Variants in OTUB2 observed in about 807,000 individuals in gnomAD.
The protein encoded by OTUB2 is OTU deubiquitinase, ubiquitin aldehyde binding 2.
A neutral mutation model predicts 25.1 loss-of-function variants in OTUB2; 21 were observed. The observed-to-expected ratio is 0.84, with a 90% CI of 0.59 to 1.21. The LOEUF (loss-of-function observed/expected upper bound fraction) is 1.21, where lower values mean the gene tolerates loss of function less well. OTUB2 is among the 50% of genes most tolerant of loss of function. The probability of loss-of-function intolerance (pLI) is 0.00; values close to 1 mark genes in which losing one functional copy is unlikely to be tolerated. For missense variants in OTUB2, 283 were observed against 298.0 expected (o/e 0.95, Z 0.37); for synonymous variants, 122 against 122.8 (o/e 0.99, Z 0.04).
In OTUB2 at chr14:94,044,050, A is replaced by C; in HGVS notation, c.298A>C (p.Asn100His). Residue 100 changes from asparagine to histidine, a missense_variant, in exon 4 of 6, where the codon AAT becomes CAT. Physicochemically the swap from Asn to His is moderately conservative, Grantham distance 68. Coordinates refer to ENST00000203664, the MANE Select transcript of OTUB2 (RefSeq NM_023112.4). ...GGAGCACAAGTTCAGAAACTTCTTCAATGCTGTGAGTTCACCTGGTCCCTC... is the reference window on the plus strand; with the variant it reads ...GGAGCACAAGTTCAGAAACTTCTTCCATGCTGTGAGTTCACCTGGTCCCTC... ...FEEHKFRNFF[N>H]AFYSVVELVE... The C allele has an allele frequency of 6.2e-7, 1 of 1,614,004 alleles. No homozygotes were observed. Among genetic ancestry groups the C allele is most frequent in the South Asian group, 1.1e-5 (1 of 91,082 alleles).
chr14:94,046,108 T>TTC lies in OTUB2; in HGVS notation c.*187_*188insCT. 1 of 669,146 alleles carries TTC rather than the reference T, an allele frequency of 1.5e-6. No homozygotes were observed. The highest frequency in any genetic ancestry group is 2.5e-6 in the Non-Finnish European group (1 of 398,310). The allele number at this position is 669,146 out of a possible 1,614,324, so 41.5% of individuals were successfully genotyped here. A position where few individuals can be genotyped will look rare whatever the true frequency, so the allele number is the denominator to read the frequency against. ...TGGTAACTTGGTAGGATTTTTAGTA[T>TTC]TTATTTTAATGGAGGGACAAATGCT... On this transcript the variant is annotated 3_prime_UTR_variant, in exon 6 of 6. Transcript: ENST00000203664.
chr14:94,039,741 C>T (rs1885123977), intron 3 of OTUB2, among the ~76,000 whole-genome samples: 1 of 152,192 alleles, frequency 6.6e-6, no homozygotes, highest in African/African-American at 2.4e-5. Context: ...TGCTGCTGGG[C>T]CTCAAACCAC....
Position 94,032,861 on chromosome 14 carries a change from C to CGG in OTUB2, c.4-4519_4-4518insGG, listed in dbSNP as rs542798938. Among the ~76,000 whole-genome samples the CGG allele has an allele frequency of 4.7e-3, 713 of 152,250 alleles. 3 individuals are homozygous for CGG. The highest frequency in any genetic ancestry group is 0.01 in the Middle Eastern group (3 of 294). On this transcript the variant is annotated intron_variant, in intron 1 of 5. Coordinates refer to ENST00000203664, the MANE Select transcript of OTUB2 (RefSeq NM_023112.4). ...CCTGAGGCTGATGCCCACAGTGTGT[C>CGG]CTGAAGGTGTGGTGAGCTCAGCTCT... is the stretch of plus-strand genomic sequence containing the variant.
At chr14:94,035,569 A>C (rs1039086218) in intron 1 of OTUB2, among the ~76,000 whole-genome samples, 1 of 152,142 alleles carries the variant, frequency 6.6e-6, no homozygotes, top group African/African-American at 2.4e-5. Context: ...TATTACAAGC[A>C]TGAGCCACCG....
intron 1 of OTUB2, among the ~76,000 whole-genome samples, chr14:94,032,046 G>C (rs542138085): frequency 6.6e-6 from 1 of 152,338 alleles, no homozygotes; most frequent in Middle Eastern, 3.4e-3. Context: ...CCGGGAGCTT[G>C]AGTCTCTGGT....
rs574356659 is a variant in OTUB2, at chr14:94,041,636, C to T, written c.219-2335C>T. Among the ~76,000 whole-genome samples, 18 of 152,278 alleles carry T rather than the reference C, an allele frequency of 1.2e-4. No homozygotes were observed. The South Asian group carries it at 3.7e-3, about 32-fold the overall frequency. Reference sequence around the variant, plus strand: ...CTGACCTCTAGGAGCAGTGGAAACCCCTGACACCAACGCCCTCCACACCAG... The same window carrying T: ...CTGACCTCTAGGAGCAGTGGAAACCTCTGACACCAACGCCCTCCACACCAG... On this transcript the variant is annotated intron_variant, in intron 3 of 5. Coordinates refer to ENST00000203664, the MANE Select transcript of OTUB2 (RefSeq NM_023112.4).
At chr14:94,030,683 C>A (rs1230218014) in intron 1 of OTUB2, among the ~76,000 whole-genome samples, 1 of 152,092 alleles carries the variant, frequency 6.6e-6, no homozygotes, top group Non-Finnish European at 1.5e-5. Context: ...ACGTCCTAAT[C>A]CCCACAACCT....
chr14:94,034,388 G>A (rs577668038), intron 1 of OTUB2, among the ~76,000 whole-genome samples: 1 of 152,320 alleles, frequency 6.6e-6, no homozygotes, highest in African/African-American at 2.4e-5. Context: ...GCTGCCCTGT[G>A]TGGAATGTTC....
intron 3 of OTUB2, 56 bp downstream of exon 3, chr14:94,039,137 CT>C: frequency 1.5e-6 from 2 of 1,368,982 alleles, no homozygotes; most frequent in Admixed American, 1.9e-5. Flanking sequence ...CTAGGTCAGC[CT>C]CAAGTCTCTC....
At chr14:94,028,728 C>G (rs1309313172) in intron 1 of OTUB2, among the ~76,000 whole-genome samples, 1 of 152,226 alleles carries the variant, frequency 6.6e-6, no homozygotes, top group African/African-American at 2.4e-5. Context: ...TGCCTGCTGG[C>G]CAAGACAGCT....
chr14:94,044,745 G>A lies in OTUB2; in HGVS notation c.463G>A (p.Asp155Asn). The A allele has an allele frequency of 6.2e-7, 1 of 1,613,678 alleles. No individual in the cohort carries two copies. Among genetic ancestry groups the A allele is most frequent in the Non-Finnish European group, 8.5e-7 (1 of 1,180,022 alleles). Residue 155 changes from aspartate to asparagine, a missense_variant, in exon 5 of 6, where the codon GAT (aspartate) becomes AAT (asparagine). Physicochemically the swap from Asp to Asn is conservative, Grantham distance 23. Transcript: ENST00000203664. ...NRADFFRHFI[D>N]EEMDIKDFCT... ...AGCAGACTTCTTCCGGCACTTCATT[G>A]ATGAGGAGATGGACATCAAAGACTT...
intron 2 of OTUB2, among the ~76,000 whole-genome samples, chr14:94,037,811 A>G (rs956472489): frequency 1.3e-5 from 2 of 152,244 alleles, no homozygotes; most frequent in African/African-American, 4.8e-5. Context: ...GTGGCCATTT[A>G]GTTCATGAGT....
chr14:94,031,447 A>C (rs10136365), intron 1 of OTUB2, among the ~76,000 whole-genome samples: 5,697 of 152,074 alleles, frequency 0.037, 315 homozygotes, highest in African/African-American at 0.12. Flanking sequence ...GGGAGGGAAA[A>C]CCAGAAGACA....
In OTUB2 at chr14:94,047,969, A is replaced by G. The variant is rs182389314; in HGVS notation, c.*2047A>G. ...AGGACACTCAAGCTCTGGCAGAGGA[A>G]GGCCAAGTTACTTTCATGGTCTTAC... On this transcript the variant is annotated 3_prime_UTR_variant, in exon 6 of 6. Transcript: ENST00000203664. 1.3e-5 allele frequency: 2 copies of G among 152,350 alleles called. No homozygotes were observed. Among genetic ancestry groups the G allele is most frequent in the East Asian group, 3.9e-4 (2 of 5,190 alleles). 9.4% of individuals were successfully genotyped at this position (152,350 alleles called of 1,614,324 possible).
chr14:94,036,034 TG>T (rs1202386402), intron 1 of OTUB2, among the ~76,000 whole-genome samples: 1 of 152,176 alleles, frequency 6.6e-6, no homozygotes, highest in Non-Finnish European at 1.5e-5. Context: ...TCTAATCTCA[TG>T]GCCCAGCTTT....
rs1167642475 is a variant in OTUB2, at chr14:94,044,054, CTG to C, written c.303+2_303+3del. 3 of 1,613,700 alleles carry C rather than the reference CTG, an allele frequency of 1.9e-6. No individual in the cohort carries two copies. The highest frequency in any genetic ancestry group is 1.7e-6 in the Non-Finnish European group (2 of 1,179,682). ...CACAAGTTCAGAAACTTCTTCAATG[CTG>C]TGAGTTCACCTGGTCCCTCCTTCCA... On this transcript the variant is annotated splice_donor_variant and coding_sequence_variant, in exon 4 of 6. Transcript: ENST00000203664. LOFTEE classifies it high-confidence loss of function.
At chr14:94,042,618 C>A (rs1455823686) in intron 3 of OTUB2, among the ~76,000 whole-genome samples, 1 of 152,194 alleles carries the variant, frequency 6.6e-6, no homozygotes, top group Non-Finnish European at 1.5e-5. Context: ...CTTCCTGGAG[C>A]TGCTTCTAGT....
At chr14:94,041,029 G>A in intron 3 of OTUB2, among the ~76,000 whole-genome samples, 1 of 152,180 alleles carries the variant, frequency 6.6e-6, no homozygotes, top group East Asian at 1.9e-4. Context: ...GGACAGACGG[G>A]GGCGGAGACA....
In OTUB2 at chr14:94,041,840, C is replaced by T. The variant is rs75656730; in HGVS notation, c.219-2131C>T. ...TGGGCCCCAGGCAGGCTGCTTCACT[C>T]ACTCCTCTGTAGCTCCTTTCCCCAG... On this transcript the variant is annotated intron_variant, in intron 3 of 5. Transcript: ENST00000203664. Among the ~76,000 whole-genome samples the T allele has an allele frequency of 3.5e-3, 529 of 152,366 alleles. 3 individuals are homozygous for T. The East Asian group carries it at 0.038, about 11-fold the overall frequency.
Sources: gnomAD v4.1 joint callset for allele counts (sites outside exome capture counted in the v4.1 genomes callset) on GRCh38, gnomAD v4.1.1 for gene constraint, MANE v1.5 for transcripts, NCBI Gene and HGNC (gene_info 2026-07-23, HGNC 2026-07-21) for gene names.